Variants in COL4A1 observed in about 807,000 individuals in gnomAD.
COL4A1 encodes the protein collagen alpha-1(IV) chain.
COL4A1 carries 40 observed loss-of-function variants against 216.6 expected under a neutral mutation model. The ratio of observed to expected loss-of-function variants is 0.18; its 90% CI spans 0.14 to 0.24. The LOEUF (loss-of-function observed/expected upper bound fraction) is 0.24. Among genes scored for constraint, COL4A1 ranks in the 10% least tolerant of loss-of-function variants. The pLI is 1.00. For synonymous variants in COL4A1, 839 were observed against 810.7 expected (o/e 1.03, Z -0.59); for missense variants, 1,628 against 2,196.8 (o/e 0.74, Z 5.18).
At chr13:110,152,975 T>A (rs1032769981) in intron 50 of COL4A1, among the ~76,000 whole-genome samples, 34 of 152,330 alleles carry the variant, frequency 2.2e-4, no homozygotes, top group African/African-American at 7.9e-4. Flanking sequence ...TCATTCAATT[T>A]TTTTTCTTTA....
intron 15 of COL4A1, among the ~76,000 whole-genome samples, chr13:110,206,260 G>A (rs1879509626): frequency 6.6e-6 from 1 of 152,214 alleles, no homozygotes; most frequent in Non-Finnish European, 1.5e-5. Context: ...AGTGGGGTGG[G>A]TCTCACGCCA....
intron 2 of COL4A1, among the ~76,000 whole-genome samples, chr13:110,241,215 A>G (rs1473494649): frequency 6.6e-6 from 1 of 152,222 alleles, no homozygotes; most frequent in Non-Finnish European, 1.5e-5. Context: ...ATAAGAAAGT[A>G]TGTAAAGCTC....
intron 2 of COL4A1, among the ~76,000 whole-genome samples, chr13:110,219,889 T>C (rs1202272155): frequency 2.4e-5 from 2 of 82,570 alleles, no homozygotes; most frequent in East Asian, 2.5e-4. Flanking sequence ...TATATATATG[T>C]GTGTATATAT....
intron 4 of COL4A1, among the ~76,000 whole-genome samples, chr13:110,213,405 T>A (rs1385550009): frequency 1.3e-5 from 2 of 152,236 alleles, no homozygotes; most frequent in Non-Finnish European, 2.9e-5. Context: ...AGGCTGGCTC[T>A]GAAAATACCA....
At chr13:110,204,832 A>C (rs1236380130) in intron 17 of COL4A1, among the ~76,000 whole-genome samples, 1 of 152,186 alleles carries the variant, frequency 6.6e-6, no homozygotes, top group Non-Finnish European at 1.5e-5. Context: ...AATACTTGTA[A>C]GCATACAAAT....
intron 1 of COL4A1, among the ~76,000 whole-genome samples, chr13:110,263,515 G>A (rs1337423484): frequency 6.6e-6 from 1 of 152,158 alleles, no homozygotes; most frequent in Non-Finnish European, 1.5e-5. Flanking sequence ...GTGCAGTGCT[G>A]TAGTTGTAGC....
At chr13:110,257,222 G>C (rs368509550) in intron 1 of COL4A1, among the ~76,000 whole-genome samples, 36 of 152,254 alleles carry the variant, frequency 2.4e-4, no homozygotes, top group Middle Eastern at 6.8e-3. Flanking sequence ...AATGTAAATA[G>C]AAACTGCACA....
chr13:110,197,039 T>C (rs1878928573), intron 21 of COL4A1, among the ~76,000 whole-genome samples: 2 of 152,230 alleles, frequency 1.3e-5, no homozygotes, highest in South Asian at 4.1e-4. Context: ...TCCCATTCAA[T>C]TAACAAGAGT....
At chr13:110,256,749 G>A (rs946324234) in intron 1 of COL4A1, among the ~76,000 whole-genome samples, 4 of 151,966 alleles carry the variant, frequency 2.6e-5, no homozygotes, top group Non-Finnish European at 5.9e-5. Context: ...GGCGGCGGGG[G>A]GGTCTATCCG....
In COL4A1 at chr13:110,203,571, C is replaced by G. The variant is rs150182714; in HGVS notation, c.994G>C (p.Gly332Arg). The G allele has an allele frequency of 1.2e-4, 198 of 1,613,990 alleles. No individual in the cohort carries two copies. Among genetic ancestry groups the G allele is most frequent in the Non-Finnish European group, 1.6e-4 (189 of 1,180,026 alleles). ...KGEAGPPGPPGIVIGTGPLGE... is the reference protein window; with the variant it reads ...KGEAGPPGPPRIVIGTGPLGE... ...GGGACAGCACTCTTACTCACAATTCCAGGTGGGCCAGGAGGACCTGCTTCA... is the reference window on the plus strand; with the variant it reads ...GGGACAGCACTCTTACTCACAATTCGAGGTGGGCCAGGAGGACCTGCTTCA... The change falls in exon 18 of 52, where the codon GGA becomes CGA. Residue 332 changes from glycine (G) to arginine (R), a missense_variant. By Grantham distance (125) the Gly-to-Arg change is moderately radical. This residue lies in a region of COL4A1 where 701 missense variants were observed against 892.5 expected (regional missense o/e 0.79). Coordinates refer to ENST00000375820, the MANE Select transcript of COL4A1 (RefSeq NM_001845.6).
chr13:110,280,555 A>G (rs762281314), intron 1 of COL4A1, among the ~76,000 whole-genome samples: 69 of 152,242 alleles, frequency 4.5e-4, no homozygotes, highest in Non-Finnish European at 8.5e-4. Context: ...CTCACAAATC[A>G]TGGTTTGCTT....
chr13:110,235,658 C>CAAAAA (rs4000273), intron 2 of COL4A1, among the ~76,000 whole-genome samples: 1 of 129,584 alleles, frequency 7.7e-6, no homozygotes, highest in Admixed American at 7.7e-5. Context: ...GACTCTGTCT[C>CAAAAA]AAAAAAAAAA....
At chr13:110,304,636 G>A (rs1257125801) in intron 1 of COL4A1, among the ~76,000 whole-genome samples, 1 of 152,220 alleles carries the variant, frequency 6.6e-6, no homozygotes, top group Admixed American at 6.5e-5. Flanking sequence ...GAGGAGCGGG[G>A]AGTAGAGTGG....
chr13:110,163,688 T>G, intron 46 of COL4A1, 127 bp from the exon 47 acceptor site: 1 of 918,352 alleles, frequency 1.1e-6, no homozygotes, highest in Non-Finnish European at 1.7e-6. Context: ...ATGAGAACGT[T>G]TTCTCGGACA....
At chr13:110,294,424 C>A (rs1884192788) in intron 1 of COL4A1, among the ~76,000 whole-genome samples, 1 of 152,236 alleles carries the variant, frequency 6.6e-6, no homozygotes, top group Admixed American at 6.5e-5. Flanking sequence ...CACAGCCTCC[C>A]TCCCATTCCT....
chr13:110,219,710 ATG>A (rs1566385089), intron 2 of COL4A1, among the ~76,000 whole-genome samples: 32 of 100,496 alleles, frequency 3.2e-4, no homozygotes, highest in African/African-American at 9.8e-4. Flanking sequence ...GTATATACAT[ATG>A]TGTATATATA....
rs373696600 is a variant in COL4A1, at chr13:110,179,259, G to A, written c.2344+12C>T. The A allele has an allele frequency of 1.9e-6, 3 of 1,613,960 alleles. No homozygotes were observed. The highest frequency in any genetic ancestry group is 2.5e-6 in the Non-Finnish European group (3 of 1,180,020). ...TCCTCGAAACCCTCCAGACTGATCTGCATGAAGTTACCTCTGATCCCCTGA... is the reference window on the plus strand; with the variant it reads ...TCCTCGAAACCCTCCAGACTGATCTACATGAAGTTACCTCTGATCCCCTGA... On this transcript the variant is annotated intron_variant, in intron 30 of 51. Transcript: ENST00000375820.
chr13:110,211,986 C>T lies in COL4A1; in HGVS notation c.388-64G>A, dbSNP rs371528313. Reference sequence around the variant, plus strand: ...GTGGCAGACACATCAGCCCTGACATCGCATGCATCACTCTGCCCTACCCTT... The same window carrying T: ...GTGGCAGACACATCAGCCCTGACATTGCATGCATCACTCTGCCCTACCCTT... On this transcript the variant is annotated intron_variant, in intron 6 of 51. Coordinates refer to ENST00000375820, the MANE Select transcript of COL4A1 (RefSeq NM_001845.6). This position sits in a 1 kb window ranked among gnomAD's most constrained non-coding sequence, Gnocchi z 4.3. 29 of 1,449,676 alleles carry T rather than the reference C, an allele frequency of 2.0e-5. No homozygotes were observed. Among genetic ancestry groups the T allele is most frequent in the Middle Eastern group, 1.7e-4 (1 of 5,790 alleles). The allele number at this position is 1,449,676 out of a possible 1,614,324, so 89.8% of individuals were successfully genotyped here.
In COL4A1 at chr13:110,176,988, C is replaced by G. The variant is rs1446250721; in HGVS notation, c.2766G>C (p.Leu922Phe). Residue 922 changes from leucine to phenylalanine, a missense_variant, in exon 34 of 52, where the codon TTG becomes TTC. By Grantham distance (22) the Leu-to-Phe change is conservative. This residue lies in a region of COL4A1 where 701 missense variants were observed against 892.5 expected (regional missense o/e 0.79). Transcript: ENST00000375820. ...GACCGACATCCCCCTTATCACCTTT[C>G]AAGCCAGGGTCTCCCCTGGGTCCTG... ...GSSGPRGDPG[L>F]KGDKGDVGLP... 1.2e-6 allele frequency: 2 copies of G among 1,614,082 alleles called. No individual in the cohort carries two copies. Among genetic ancestry groups the G allele is most frequent in the Non-Finnish European group, 1.7e-6 (2 of 1,180,032 alleles).
Sources: allele counts gnomAD v4.1 joint callset (sites outside exome capture counted in the v4.1 genomes callset), GRCh38; gene constraint gnomAD v4.1.1; regional missense constraint gnomAD v4.1.1; non-coding constraint Gnocchi (gnomAD v3.1); transcripts MANE v1.5; gene names NCBI Gene and HGNC (gene_info 2026-07-23, HGNC 2026-07-21).